The following DDX27 variants were observed in gnomAD, a reference collection of about 807,000 sequenced individuals.
The protein encoded by DDX27 is DEAD-box helicase 27, also known as probable ATP-dependent RNA helicase DDX27.
In DDX27, 42 loss-of-function variants were observed where a neutral mutation model predicts 99.3. That is an observed-to-expected ratio of 0.42 (90% CI 0.33 to 0.55). The LOEUF is 0.55. Ranked by LOEUF, DDX27 falls within the 20% of genes least tolerant of loss-of-function variation. DDX27 has a pLI of 0.07. For synonymous variants in DDX27, 329 were observed against 353.8 expected (o/e 0.93, Z 0.79); for missense variants, 798 against 976.8 (o/e 0.82, Z 2.44).
rs1249098282 is a variant in DDX27, at chr20:49,223,019, G to A, written c.300+3G>A. On this transcript the variant is annotated splice_donor_region_variant and intron_variant, in intron 3 of 20. Coordinates refer to ENST00000618172, the MANE Select transcript of DDX27 (RefSeq NM_017895.8). The stretch of plus-strand genomic sequence containing the variant: ...TTCGAAAGAAAAGGAAAACAGAGGT[G>A]AGAAGAAAAGTGGCTATTTTTCGTT... The A allele has an allele frequency of 6.2e-7, 1 of 1,612,782 alleles. No individual in the cohort carries two copies. The highest frequency in any genetic ancestry group is 8.5e-7 in the Non-Finnish European group (1 of 1,179,274).
intron 6 of DDX27, 79 bp from the exon 7 acceptor site, chr20:49,226,351 G>C (rs1295545859): frequency 7.4e-6 from 8 of 1,074,430 alleles, no homozygotes; most frequent in African/African-American, 1.6e-5. Flanking sequence ...GTCCCCACTT[G>C]TCTGGAAACC....
At position 49,228,882 on chromosome 20, in the gene DDX27, G is replaced by A. The variant is rs1338081540; in HGVS notation, c.874G>A (p.Ala292Thr). The A allele has an allele frequency of 1.3e-6, 2 of 1,589,514 alleles. No homozygotes were observed. Among genetic ancestry groups the A allele is most frequent in the East Asian group, 2.3e-5 (1 of 43,834 alleles). ...AQFCNITTCL[A>T]VGGLDVKSQE... ...GTTCTGCAACATCACCACCTGCCTG[G>A]CTGTGGGTGAGTTTCTGGCCAAGGG... Residue 292 changes from alanine to threonine, a missense_variant, in exon 8 of 21, where the codon GCT (alanine) becomes ACT (threonine). Ala to Thr is a moderately conservative substitution (Grantham distance 58). Around this residue, in one of 2 missense-constraint regions of DDX27, gnomAD observed 553 missense variants for 727.9 expected, o/e 0.76. Coordinates refer to ENST00000618172, the MANE Select transcript of DDX27 (RefSeq NM_017895.8).
intron 9 of DDX27, chr20:49,232,763 CAAAAAA>C (rs3061137): frequency 8.1e-5 from 5 of 61,844 alleles, no homozygotes; most frequent in South Asian, 6.4e-4. Flanking sequence ...GACTCCGTCT[CAAAAAA>C]AAAAAAAAAA....
rs565533134 is a variant in DDX27 at position 49,233,555 on chromosome 20, T to C, written c.1132-13T>C. ...TGCAGAGAGCTGAGGAAACCTGGCT[T>C]TGTGCTTGGCAGGTGAAAGATCTGG... On this transcript the variant is annotated splice_polypyrimidine_tract_variant and intron_variant, in intron 10 of 20. Transcript: ENST00000618172. The C allele has an allele frequency of 1.9e-6, 3 of 1,609,324 alleles. No individual in the cohort carries two copies. The highest frequency in any genetic ancestry group is 4.5e-5 in the East Asian group (2 of 44,730).
chr20:49,229,206 A>G (rs1761809410), intron 8 of DDX27, among the ~76,000 whole-genome samples: 1 of 151,528 alleles, frequency 6.6e-6, no homozygotes, highest in Admixed American at 6.6e-5. Flanking sequence ...AATTTTTTGT[A>G]TTTTTAGTAG....
chr20:49,242,506 T>C, intron 18 of DDX27, 88 bp from the exon 19 acceptor site: 1 of 1,321,712 alleles, frequency 7.6e-7, no homozygotes, highest in Non-Finnish European at 1.1e-6. Flanking sequence ...GAGTATCCAC[T>C]GAACTTGGAA....
chr20:49,232,329 T>C (rs1980140247), intron 9 of DDX27, among the ~76,000 whole-genome samples: 1 of 151,982 alleles, frequency 6.6e-6, no homozygotes, highest in Non-Finnish European at 1.5e-5. Context: ...AAACAAAAGG[T>C]AACTATAAAA....
Position 49,219,423 on chromosome 20 carries a change from C to T in DDX27, c.-26C>T. ...AGGGCCGGACCGCAGGCTGTGCTCGCTTCCGGAAGTGGCTTCTGCGACAAC... is the reference window on the plus strand; with the variant it reads ...AGGGCCGGACCGCAGGCTGTGCTCGTTTCCGGAAGTGGCTTCTGCGACAAC... On this transcript the variant is annotated 5_prime_UTR_variant, in exon 1 of 21. Transcript: ENST00000618172. 1 of 1,613,934 alleles carries T rather than the reference C, an allele frequency of 6.2e-7. No individual in the cohort carries two copies. Among genetic ancestry groups the T allele is most frequent in the Non-Finnish European group, 8.5e-7 (1 of 1,179,808 alleles).
At chr20:49,242,460 T>A in intron 18 of DDX27, 134 bp from the exon 19 acceptor site, 1 of 1,054,934 alleles carries the variant, frequency 9.5e-7, no homozygotes, top group Non-Finnish European at 1.4e-6. Flanking sequence ...TTGGAGGAGC[T>A]GGTGAGGACA....
In DDX27 at chr20:49,236,631, T is replaced by C; in HGVS notation, c.1687+121T>C. On this transcript the variant is annotated intron_variant, in intron 14 of 20. Transcript: ENST00000618172. This position sits in a 1 kb window ranked among gnomAD's most constrained non-coding sequence, Gnocchi z 4.1. Reference sequence around the variant, plus strand: ...CAGATTTGAATTCCAGCCCTGCTGCTTCCTTGCCGAGTGACCATGTGCAGG... The same window carrying C: ...CAGATTTGAATTCCAGCCCTGCTGCCTCCTTGCCGAGTGACCATGTGCAGG... 1 of 1,012,122 alleles carries C rather than the reference T, an allele frequency of 9.9e-7. No homozygotes were observed. Among genetic ancestry groups the C allele is most frequent in the Non-Finnish European group, 1.3e-6 (1 of 752,962 alleles). 62.7% of individuals were successfully genotyped at this position (1,012,122 alleles called of 1,614,324 possible).
At chr20:49,237,601 G>C (rs1980347596) in intron 14 of DDX27, among the ~76,000 whole-genome samples, 1 of 152,168 alleles carries the variant, frequency 6.6e-6, no homozygotes, top group Non-Finnish European at 1.5e-5. Flanking sequence ...CTGTGGTTCT[G>C]GGAGAAAGAG....
At position 49,243,692 on chromosome 20, in the gene DDX27, A is replaced by G. The variant is rs758660463; in HGVS notation, c.2268A>G (p.Lys756=). The G allele has an allele frequency of 1.6e-5, 26 of 1,614,072 alleles. No individual in the cohort carries two copies. In the Admixed American group the frequency reaches 4.2e-4, roughly 26 times the overall value. The part of the protein sequence containing the change: ...LPHQRRGGNF[K]SKSRYKRRK ...ACCAGAGACGAGGAGGAAACTTTAA[A>G]TCTAAATCCAGGTGATACTGGCTGT... Residue 756 remains lysine (K), a synonymous_variant, in exon 20 of 21, where the codon AAA becomes AAG. Transcript: ENST00000618172.
Position 49,236,178 on chromosome 20 carries a change from C to T in DDX27, c.1456C>T (p.Leu486Phe). Reference protein sequence around the residue: ...RRFKDEQIDILVATDVAARGL... With the variant: ...RRFKDEQIDIFVATDVAARGL... ...TTTTAAGGATGAACAGATTGACATC[C>T]TCGTGGCCACTGATGTGGCAGCCCG... Residue 486 changes from leucine (L) to phenylalanine (F), a missense_variant, in exon 13 of 21, where the codon CTC (leucine) becomes TTC (phenylalanine). Transcript: ENST00000618172. The surrounding 1 kb of genome is among the most constrained non-coding windows in gnomAD (Gnocchi z 4.1). 1 of 1,612,520 alleles carries T rather than the reference C, an allele frequency of 6.2e-7. No homozygotes were observed. The highest frequency in any genetic ancestry group is 8.5e-7 in the Non-Finnish European group (1 of 1,179,302).
At chr20:49,241,109 A>G (rs1980462975) in intron 16 of DDX27, among the ~76,000 whole-genome samples, 1 of 152,238 alleles carries the variant, frequency 6.6e-6, no homozygotes, top group Non-Finnish European at 1.5e-5. Context: ...ATGCCCTTTT[A>G]CAATTAAGCA....
rs1979798711 is a variant in DDX27, at chr20:49,224,361, TC to T, written c.467-583del. 9.1e-5 allele frequency among the ~76,000 whole-genome samples: 7 copies of T among 77,174 alleles called. No individual in the cohort carries two copies. In the South Asian group the frequency reaches 1.9e-3, roughly 21 times the overall value. 50.6% of individuals were successfully genotyped at this position (77,174 alleles called of 152,430 possible). A position where few individuals can be genotyped will look rare whatever the true frequency, so the allele number is the denominator to read the frequency against. ...AGTGGGTGCTCAATAAGTATTTCTT[TC>T]TTTCTTTTTTTTTTTTTGAGATGGA... is the stretch of plus-strand genomic sequence containing the variant. On this transcript the variant is annotated intron_variant, in intron 4 of 20. Transcript: ENST00000618172.
In DDX27 at chr20:49,239,350, A is replaced by T; in HGVS notation, c.1897+12A>T. On this transcript the variant is annotated intron_variant, in intron 16 of 20. Coordinates refer to ENST00000618172, the MANE Select transcript of DDX27 (RefSeq NM_017895.8). ...GAAGAAGGAGAAAAGTAAGTCAGGG[A>T]GGTTCCGCAGAAATCTAAATACAGA... 1 of 1,590,260 alleles carries T rather than the reference A, an allele frequency of 6.3e-7. No individual in the cohort carries two copies. The highest frequency in any genetic ancestry group is 8.6e-7 in the Non-Finnish European group (1 of 1,162,966).
rs1185854300 is a variant in DDX27 at position 49,236,186 on chromosome 20, C to T, written c.1464C>T (p.Ala488=). The change falls in exon 13 of 21, where the codon GCC becomes GCT. Residue 488 remains alanine, a synonymous_variant. Coordinates refer to ENST00000618172, the MANE Select transcript of DDX27 (RefSeq NM_017895.8). The surrounding 1 kb of genome is among the most constrained non-coding windows in gnomAD (Gnocchi z 4.1). The part of the protein sequence containing the change: ...FKDEQIDILV[A]TDVAARGLDI... ...ATGAACAGATTGACATCCTCGTGGC[C>T]ACTGATGTGGCAGCCCGTGGACTTG... is the stretch of plus-strand genomic sequence containing the variant. 1 of 1,612,476 alleles carries T rather than the reference C, an allele frequency of 6.2e-7. No individual in the cohort carries two copies. Among genetic ancestry groups the T allele is most frequent in the Non-Finnish European group, 8.5e-7 (1 of 1,179,320 alleles).
intron 1 of DDX27, 44 bp from the exon 2 acceptor site, chr20:49,221,405 ATTC>A: frequency 6.2e-7 from 1 of 1,610,048 alleles, no homozygotes; most frequent in Non-Finnish European, 8.5e-7. Context: ...GCTTTCTATC[ATTC>A]TTTATCTCAG....
At chr20:49,240,152 T>G (rs1980431860) in intron 16 of DDX27, among the ~76,000 whole-genome samples, 1 of 152,200 alleles carries the variant, frequency 6.6e-6, no homozygotes, top group African/African-American at 2.4e-5. Context: ...TGGAAACAGA[T>G]AGTGGTGATG....
Sources: gnomAD v4.1 joint callset for allele counts (sites outside exome capture counted in the v4.1 genomes callset) on GRCh38, gnomAD v4.1.1 for gene constraint, gnomAD v4.1.1 regional missense constraint, Gnocchi (gnomAD v3.1) non-coding constraint, MANE v1.5 for transcripts, NCBI Gene and HGNC (gene_info 2026-07-23, HGNC 2026-07-21) for gene names.